The following RGL3 variants were observed in gnomAD, a reference collection of about 807,000 sequenced individuals.
The protein encoded by RGL3 is ral guanine nucleotide dissociation stimulator-like 3.
A neutral mutation model predicts 90.6 loss-of-function variants in RGL3; 85 were observed. The observed-to-expected ratio is 0.94, with a 90% CI of 0.79 to 1.12. The LOEUF (loss-of-function observed/expected upper bound fraction) is 1.12, where lower values mean the gene tolerates loss of function less well. Ranked by LOEUF, RGL3 falls within the 50% of genes most tolerant of loss-of-function variation. RGL3 has a pLI of 0.00. For synonymous variants in RGL3, 408 were observed against 385.5 expected, an observed-to-expected ratio of 1.06 and a Z score of -0.68; for missense variants, 1,034 against 939.2, an observed-to-expected ratio of 1.10 and a Z score of -1.32.
intron 2 of RGL3, 129 bp downstream of exon 2, chr19:11,418,542 T>C (rs1969043481): frequency 3.1e-6 from 2 of 639,212 alleles, no homozygotes; most frequent in South Asian, 2.1e-5. Flanking sequence ...CCTGGTCGCC[T>C]CATCTGGTCG....
chr19:11,418,363 A>C (rs1281645985), intron 2 of RGL3: 3 of 370,288 alleles, frequency 8.1e-6, no homozygotes, highest in Admixed American at 4.9e-5. Context: ...ACCCCATTCC[A>C]CCTTCCAGCC....
At chr19:11,403,127 C>T (rs182557726) in intron 9 of RGL3, among the ~76,000 whole-genome samples, 3 of 148,574 alleles carry the variant, frequency 2.0e-5, no homozygotes, top group African/African-American at 4.9e-5. Flanking sequence ...CTCCGCCCCC[C>T]GGGGTTCACG....
chr19:11,399,213 C>G (rs1157576061), intron 16 of RGL3, among the ~76,000 whole-genome samples: 2 of 152,086 alleles, frequency 1.3e-5, no homozygotes, highest in African/African-American at 4.8e-5. Context: ...GTGCCGGGAT[C>G]ACAGGCAATA....
intron 6 of RGL3, 24 bp from the exon 7 acceptor site, chr19:11,406,658 A>G (rs759740128): frequency 6.3e-7 from 1 of 1,590,672 alleles, no homozygotes; most frequent in South Asian, 1.1e-5. Flanking sequence ...GGGGTGTGGG[A>G]TTGGTGCTTA....
intron 5 of RGL3, among the ~76,000 whole-genome samples, chr19:11,414,632 T>G (rs2144740258): frequency 6.7e-6 from 1 of 149,098 alleles, no homozygotes; most frequent in African/African-American, 2.5e-5. Context: ...ATCTGGAGAT[T>G]AAGCGATGGG....
chr19:11,396,158 ATT>A lies in RGL3; in HGVS notation c.2014+1084_2014+1085del, dbSNP rs1169850022. 4.4e-3 allele frequency among the ~76,000 whole-genome samples: 113 copies of A among 25,566 alleles called. 1 individual carries two copies. The highest frequency in any genetic ancestry group is 0.011 in the African/African-American group (67 of 6,296). The allele number at this position is 25,566 out of a possible 152,430, so 16.8% of individuals were successfully genotyped here. ...TCTCTATATATATATATATATATAT[ATT>A]TTTTTTTTTTTTTTTTTTTTTTTTT... On this transcript the variant is annotated intron_variant, in intron 18 of 18. Transcript: ENST00000380456.
At position 11,394,211 on chromosome 19, in the gene RGL3, G is replaced by T; in HGVS notation, c.*191C>A. 1 of 587,564 alleles carries T rather than the reference G, an allele frequency of 1.7e-6. No individual in the cohort carries two copies. Among genetic ancestry groups the T allele is most frequent in the Non-Finnish European group, 3.1e-6 (1 of 322,652 alleles). 36.4% of individuals were successfully genotyped at this position (587,564 alleles called of 1,614,324 possible). A position where few individuals can be genotyped will look rare whatever the true frequency, so the allele number is the denominator to read the frequency against. On this transcript the variant is annotated 3_prime_UTR_variant, in exon 19 of 19. Coordinates refer to ENST00000380456, the MANE Select transcript of RGL3 (RefSeq NM_001035223.4). Reference sequence around the variant, plus strand: ...TGAGCTCTCCACCAGCCACCCATGGGCTGATGTCTTTGGAATATGGATCTA... The same window carrying T: ...TGAGCTCTCCACCAGCCACCCATGGTCTGATGTCTTTGGAATATGGATCTA...
intron 18 of RGL3, among the ~76,000 whole-genome samples, chr19:11,395,052 CA>C (rs1384056199): frequency 1.3e-5 from 2 of 150,590 alleles, no homozygotes; most frequent in African/African-American, 4.9e-5. Context: ...GAGATCCTGC[CA>C]TTGCACTCCA....
intron 5 of RGL3, among the ~76,000 whole-genome samples, chr19:11,412,361 G>A (rs572499089): frequency 6.6e-6 from 1 of 152,094 alleles, no homozygotes; most frequent in South Asian, 2.1e-4. Flanking sequence ...ATAAGCCCGG[G>A]ATTTGTTTTA....
chr19:11,395,901 A>G (rs1968556494), intron 18 of RGL3, among the ~76,000 whole-genome samples: 1 of 148,488 alleles, frequency 6.7e-6, no homozygotes, highest in Non-Finnish European at 1.5e-5. Flanking sequence ...TGCTGGGATT[A>G]CAGGCGTGAG....
chr19:11,416,267 G>T, intron 4 of RGL3, 119 bp from the exon 5 acceptor site: 1 of 795,410 alleles, frequency 1.3e-6, no homozygotes, highest in Non-Finnish European at 1.9e-6. Context: ...CACCAAGGCT[G>T]CAGTGCAATG....
At chr19:11,403,813 C>A (rs1357297716) in intron 9 of RGL3, among the ~76,000 whole-genome samples, 1 of 152,022 alleles carries the variant, frequency 6.6e-6, no homozygotes, top group South Asian at 2.1e-4. Flanking sequence ...AATCCTTGTC[C>A]GCAGCTGGAT....
Position 11,397,562 on chromosome 19 carries a change from G to T in RGL3, c.1782C>A (p.Pro594=). 2 of 1,593,556 alleles carry T rather than the reference G, an allele frequency of 1.3e-6. No homozygotes were observed. The highest frequency in any genetic ancestry group is 1.7e-6 in the Non-Finnish European group (2 of 1,169,190). The change falls in exon 17 of 19, where the codon CCC becomes CCA. Residue 594 remains proline, a synonymous_variant. Coordinates refer to ENST00000380456, the MANE Select transcript of RGL3 (RefSeq NM_001035223.4). The part of the protein sequence containing the change: ...PLSLDLPSPR[P]FALPLGSPRI... ...GAGGGCTGCCCAGAGGCAAAGCGAA[G>T]GGCCGGGGGCTGGGCAGGTCCAGGC...
chr19:11,418,565 T>C (rs1969043857), intron 2 of RGL3, 106 bp downstream of exon 2: 1 of 812,638 alleles, frequency 1.2e-6, no homozygotes, highest in Non-Finnish European at 1.8e-6. Context: ...TCCGAGCCCC[T>C]CCCTTCCTTC....
At chr19:11,404,143 A>G (rs1447438939) in intron 9 of RGL3, among the ~76,000 whole-genome samples, 1 of 151,810 alleles carries the variant, frequency 6.6e-6, no homozygotes, top group East Asian at 1.9e-4. Flanking sequence ...TTGGCCTCCC[A>G]AAGTGTTGGG....
rs372609603 is a variant in RGL3 at position 11,397,325 on chromosome 19, G to A, written c.1933C>T (p.Arg645Trp). 17 of 1,608,952 alleles carry A rather than the reference G, an allele frequency of 1.1e-5. No homozygotes were observed. Among genetic ancestry groups the A allele is most frequent in the South Asian group, 8.9e-5 (8 of 90,188 alleles). ...TSQDKAPSVV[R>W]RALQKHNVPQ... ...ACATTGTGCTTCTGCAAGGCTCGCC[G>A]GACCACGCTGGGGGCTTTGTCCTGA... is the stretch of plus-strand genomic sequence containing the variant. Residue 645 changes from arginine (R) to tryptophan (W), a missense_variant, in exon 18 of 19, where the codon CGG (arginine) becomes TGG (tryptophan). Coordinates refer to ENST00000380456, the MANE Select transcript of RGL3 (RefSeq NM_001035223.4).
At position 11,399,929 on chromosome 19, in the gene RGL3, AG is replaced by A. The variant is rs769752308; in HGVS notation, c.1671del (p.Ser558GlnfsTer28). On this transcript the variant is annotated frameshift_variant, in exon 16 of 19. Coordinates refer to ENST00000380456, the MANE Select transcript of RGL3 (RefSeq NM_001035223.4). LOFTEE classifies it high-confidence loss of function. ...PTSSVSPGSP[P>X]SSPRSRDAPA... ...GGAGCATCTCTGCTTCTAGGACTTG[AG>A]GGGGGTGACCCTGGGGACACACTGG... The A allele has an allele frequency of 4.5e-6, 7 of 1,542,062 alleles. No individual in the cohort carries two copies. Among genetic ancestry groups the A allele is most frequent in the Admixed American group, 4.7e-5 (2 of 42,782 alleles).
Position 11,416,911 on chromosome 19 carries a change from G to A in RGL3, c.296C>T (p.Thr99Ile). The change falls in exon 3 of 19, where the codon ACC becomes ATC. Residue 99 changes from threonine (T) to isoleucine (I), a missense_variant. Physicochemically the swap from Thr to Ile is moderately conservative, Grantham distance 89. Coordinates refer to ENST00000380456, the MANE Select transcript of RGL3 (RefSeq NM_001035223.4). ...DPSFMPAFLA[T>I]YRTFVPTACL... is the part of the protein sequence containing the mutation. ...GGCAGTGGGTACAAAGGTCCGGTAGGTGGCCAGGAAGGCGGGCATGAAGCT... is the reference window on the plus strand; with the variant it reads ...GGCAGTGGGTACAAAGGTCCGGTAGATGGCCAGGAAGGCGGGCATGAAGCT... The A allele has an allele frequency of 1.9e-6, 3 of 1,614,098 alleles. No individual in the cohort carries two copies. The highest frequency in any genetic ancestry group is 2.5e-6 in the Non-Finnish European group (3 of 1,180,016).
rs960828671 is a variant in RGL3, at chr19:11,412,257, G to A, written c.637+3680C>T. Among the ~76,000 whole-genome samples, 6 of 141,600 alleles carry A rather than the reference G, an allele frequency of 4.2e-5. No individual in the cohort carries two copies. The Admixed American group carries it at 4.5e-4, about 11-fold the overall frequency. 92.9% of individuals were successfully genotyped at this position (141,600 alleles called of 152,430 possible). Reference sequence around the variant, plus strand: ...ATCCTGCCATTGCACTCCAGCCTGGGCAACAAGAGCGAAACTCCGTCTCAA... The same window carrying A: ...ATCCTGCCATTGCACTCCAGCCTGGACAACAAGAGCGAAACTCCGTCTCAA... On this transcript the variant is annotated intron_variant, in intron 5 of 18. Transcript: ENST00000380456.
Sources: gnomAD v4.1 joint callset for allele counts (sites outside exome capture counted in the v4.1 genomes callset) on GRCh38, gnomAD v4.1.1 for gene constraint, MANE v1.5 for transcripts, NCBI Gene and HGNC (gene_info 2026-07-23, HGNC 2026-07-21) for gene names.